LRFN2: variants seen among roughly 807,000 people sequenced by gnomAD.
The protein encoded by LRFN2 is leucine-rich repeat and fibronectin type-III domain-containing protein 2.
LRFN2 carries 18 observed loss-of-function variants against 37.3 expected under a neutral mutation model. The observed-to-expected ratio is 0.48, with a 90% CI of 0.33 to 0.72. LRFN2 has a LOEUF of 0.72. Among genes scored for constraint, LRFN2 ranks in the 30% least tolerant of loss-of-function variants. LRFN2 has a pLI of 0.02. For synonymous variants in LRFN2, 556 were observed against 466.6 expected (o/e 1.19, Z -2.47); for missense variants, 1,006 against 1,060.7 (o/e 0.95, Z 0.72).
At chr6:40,424,955 G>A (rs76617129) in intron 2 of LRFN2, among the ~76,000 whole-genome samples, 3 of 152,250 alleles carry the variant, frequency 2.0e-5, no homozygotes, top group Non-Finnish European at 2.9e-5. Context: ...GTCTTTTCAT[G>A]GGGTAGGCCA....
At chr6:40,520,088 C>A (rs1397067638) in intron 1 of LRFN2, among the ~76,000 whole-genome samples, 1 of 152,104 alleles carries the variant, frequency 6.6e-6, no homozygotes, top group Non-Finnish European at 1.5e-5. Context: ...CCAGGGGAAG[C>A]AGTTCAGGCC....
rs181653324 is a variant in LRFN2, at chr6:40,391,722, C to T, written c.*221G>A. The stretch of plus-strand genomic sequence containing the variant: ...CTTTCCAAACACTCAGGGCTCAGTC[C>T]GGCATTTGAGCGAGTCCACATTCCC... On this transcript the variant is annotated 3_prime_UTR_variant, in exon 3 of 3. Transcript: ENST00000338305. 3 of 440,938 alleles carry T rather than the reference C, an allele frequency of 6.8e-6. No individual in the cohort carries two copies. Among genetic ancestry groups the T allele is most frequent in the Middle Eastern group, 5.7e-4 (1 of 1,746 alleles). The allele number at this position is 440,938 out of a possible 1,614,324, so 27.3% of individuals were successfully genotyped here.
In LRFN2 at chr6:40,392,495, G is replaced by A. The variant is rs538951261; in HGVS notation, c.1818C>T (p.Asn606=). 9.7e-5 allele frequency: 153 copies of A among 1,580,518 alleles called. No individual in the cohort carries two copies. The highest frequency in any genetic ancestry group is 5.0e-4 in the Middle Eastern group (3 of 6,032). Residue 606 remains asparagine, a synonymous_variant, in exon 3 of 3, where the codon AAC becomes AAT. Transcript: ENST00000338305. This position sits in a 1 kb window ranked among gnomAD's most constrained non-coding sequence, Gnocchi z 4.7. Reference sequence around the variant, plus strand: ...GGCTGGCGGTGAAGTCCAGGAGCTCGTTGCGCACCACCACCTTCGGCGGGC... The same window carrying A: ...GGCTGGCGGTGAAGTCCAGGAGCTCATTGCGCACCACCACCTTCGGCGGGC... ...PQGPPKVVVR[N]ELLDFTASLA...
rs1179248262 is a variant in LRFN2, at chr6:40,507,942, C to T, written c.-18-74811G>A. Among the ~76,000 whole-genome samples, 9 of 152,248 alleles carry T rather than the reference C, an allele frequency of 5.9e-5. No homozygotes were observed. The East Asian group carries it at 1.5e-3, about 26-fold the overall frequency. ...GCCTTTTATGACATTGTATGCATGT[C>T]ATAGCTGTCCTCAAGGTGGGAGCCT... is the stretch of plus-strand genomic sequence containing the variant. On this transcript the variant is annotated intron_variant, in intron 1 of 2. Transcript: ENST00000338305.
intron 1 of LRFN2, among the ~76,000 whole-genome samples, chr6:40,506,336 T>A (rs535221559): frequency 2.2e-3 from 331 of 152,328 alleles, no homozygotes; most frequent in Admixed American, 6.7e-3. Context: ...GTGCAGGAAC[T>A]TGAACTGAAA....
chr6:40,538,032 A>G (rs1581784663), intron 1 of LRFN2, among the ~76,000 whole-genome samples: 1 of 151,604 alleles, frequency 6.6e-6, no homozygotes, highest in East Asian at 1.9e-4. Context: ...GAGGGACAAC[A>G]CCCCCGGGAC....
At chr6:40,397,476 C>T (rs1050682971) in intron 2 of LRFN2, among the ~76,000 whole-genome samples, 7 of 152,156 alleles carry the variant, frequency 4.6e-5, no homozygotes, top group South Asian at 2.1e-4. Context: ...CTGGCTGTGT[C>T]GCCTGCCCAC....
chr6:40,525,890 C>G (rs1216384692), intron 1 of LRFN2, among the ~76,000 whole-genome samples: 1 of 152,206 alleles, frequency 6.6e-6, no homozygotes, highest in Non-Finnish European at 1.5e-5. Flanking sequence ...AAGTTCTCCC[C>G]TTTCCATTTC....
At chr6:40,556,755 A>G (rs990487507) in intron 1 of LRFN2, among the ~76,000 whole-genome samples, 2 of 148,028 alleles carry the variant, frequency 1.4e-5, no homozygotes, top group African/African-American at 2.6e-5. Flanking sequence ...ACACACACGC[A>G]CACACTCCTA....
chr6:40,555,369 G>C (rs1355426395), intron 1 of LRFN2, among the ~76,000 whole-genome samples: 1 of 152,158 alleles, frequency 6.6e-6, no homozygotes, highest in Non-Finnish European at 1.5e-5. Context: ...GAGGTGAGGA[G>C]ACCCTCCTCC....
rs147506870 is a variant in LRFN2, at chr6:40,392,570, G to T, written c.1743C>A (p.Gly581=). The change falls in exon 3 of 3, where the codon GGC becomes GGA. Residue 581 remains glycine, a synonymous_variant. Transcript: ENST00000338305. This position sits in a 1 kb window ranked among gnomAD's most constrained non-coding sequence, Gnocchi z 4.7. ...AVSNVYSQTN[G]AQPPPPSSAP... Reference sequence around the variant, plus strand: ...CGCTGCTTGGAGGCGGTGGCTGGGCGCCGTTGGTCTGCGAGTACACATTGC... The same window carrying T: ...CGCTGCTTGGAGGCGGTGGCTGGGCTCCGTTGGTCTGCGAGTACACATTGC... 1 of 1,604,926 alleles carries T rather than the reference G, an allele frequency of 6.2e-7. No homozygotes were observed. Among genetic ancestry groups the T allele is most frequent in the Non-Finnish European group, 8.5e-7 (1 of 1,179,178 alleles).
intron 2 of LRFN2, among the ~76,000 whole-genome samples, chr6:40,417,846 C>G (rs1163499064): frequency 6.6e-6 from 1 of 152,188 alleles, no homozygotes; most frequent in Non-Finnish European, 1.5e-5. Flanking sequence ...GTCCTTCTCC[C>G]ATTTTATGGA....
intron 1 of LRFN2, among the ~76,000 whole-genome samples, chr6:40,483,376 C>T (rs1764877982): frequency 6.6e-6 from 1 of 152,200 alleles, no homozygotes; most frequent in Non-Finnish European, 1.5e-5. Context: ...GTTGGTGGCA[C>T]CCTAATGGCT....
chr6:40,438,420 G>A (rs527978433), intron 1 of LRFN2, among the ~76,000 whole-genome samples: 3 of 152,152 alleles, frequency 2.0e-5, no homozygotes, highest in Non-Finnish European at 4.4e-5. Flanking sequence ...GAGCAACCTC[G>A]TGCAGTGAGC....
chr6:40,451,250 A>T (rs1327733251), intron 1 of LRFN2, among the ~76,000 whole-genome samples: 2 of 152,196 alleles, frequency 1.3e-5, no homozygotes, highest in Admixed American at 6.5e-5. Flanking sequence ...TATGTGGTAG[A>T]GGTGACTTCT....
chr6:40,405,269 A>C (rs1270327025), intron 2 of LRFN2, among the ~76,000 whole-genome samples: 1 of 152,356 alleles, frequency 6.6e-6, no homozygotes, highest in East Asian at 1.9e-4. Flanking sequence ...AGCAGGGTAC[A>C]GTGGATATGC....
At chr6:40,476,407 C>A (rs188507797) in intron 1 of LRFN2, among the ~76,000 whole-genome samples, 5 of 152,348 alleles carry the variant, frequency 3.3e-5, no homozygotes, top group Non-Finnish European at 7.3e-5. Flanking sequence ...GTCTCCCCAA[C>A]CTCACTGTAA....
chr6:40,505,149 C>T (rs555471112), intron 1 of LRFN2, among the ~76,000 whole-genome samples: 79 of 152,252 alleles, frequency 5.2e-4, no homozygotes, highest in African/African-American at 1.8e-3. Context: ...TTCAGGTGGG[C>T]ATCTGTGATT....
intron 1 of LRFN2, among the ~76,000 whole-genome samples, chr6:40,559,841 A>G (rs942266614): frequency 2.6e-5 from 4 of 151,814 alleles, no homozygotes; most frequent in African/African-American, 7.3e-5. Flanking sequence ...ACAAATCTTC[A>G]TTTCTCCTTC....
Sources: allele counts gnomAD v4.1 joint callset (sites outside exome capture counted in the v4.1 genomes callset), GRCh38; gene constraint gnomAD v4.1.1; non-coding constraint Gnocchi (gnomAD v3.1); transcripts MANE v1.5; gene names NCBI Gene and HGNC (gene_info 2026-07-23, HGNC 2026-07-21).